The following PDE1C variants were observed in gnomAD, a reference collection of about 807,000 sequenced individuals.
The protein encoded by PDE1C is dual specificity calcium/calmodulin-dependent 3',5'-cyclic nucleotide phosphodiesterase 1C.
Under a neutral mutation model 93.1 loss-of-function variants are expected in PDE1C, and 62 were observed. The ratio of observed to expected loss-of-function variants is 0.67; its 90% CI spans 0.54 to 0.82. The LOEUF is 0.82. Among genes scored for constraint, PDE1C ranks in the 40% least tolerant of loss-of-function variants. The pLI, the probability that PDE1C is intolerant of heterozygous loss-of-function variation, is 0.00. For synonymous variants in PDE1C, 325 were observed against 310.1 expected (o/e 1.05, Z -0.50); for missense variants, 742 against 884.6 (o/e 0.84, Z 2.04).
At chr7:31,629,672 C>G in the PDE1C span, among the ~76,000 whole-genome samples, 1 of 152,110 alleles carries the variant, frequency 6.6e-6, no homozygotes, top group Admixed American at 6.5e-5. Context: ...GCTCACTCAC[C>G]TCTCAAAAAG....
rs1790546062 is a variant in PDE1C, at chr7:32,033,024, G to A, written c.128+18530C>T. ...GCTCTCTTACCAACACAATAATTCA[G>A]AAGGTGACTTCTCAAAACTAATCTT... is the stretch of plus-strand genomic sequence containing the variant. On this transcript the variant is annotated intron_variant, in intron 2 of 17. Transcript: ENST00000396191. 2.6e-5 allele frequency among the ~76,000 whole-genome samples: 4 copies of A among 152,210 alleles called. No homozygotes were observed. The South Asian group carries it at 8.3e-4, about 32-fold the overall frequency.
the PDE1C span, among the ~76,000 whole-genome samples, chr7:31,669,157 C>T: frequency 2.6e-5 from 4 of 152,166 alleles, no homozygotes; most frequent in African/African-American, 9.7e-5. Context: ...GGTATTGACT[C>T]TGGGGGCATG....
intron 2 of PDE1C, among the ~76,000 whole-genome samples, chr7:31,920,917 G>T (rs1018614452): frequency 3.3e-5 from 5 of 152,172 alleles, no homozygotes; most frequent in African/African-American, 4.8e-5. Flanking sequence ...TAATATGCCT[G>T]ATTTCTTACC....
At chr7:32,170,956 G>A (rs1392896948) in intron 2 of PDE1C, among the ~76,000 whole-genome samples, 3 of 152,052 alleles carry the variant, frequency 2.0e-5, no homozygotes, top group African/African-American at 7.2e-5. Flanking sequence ...GCAGCCCCTA[G>A]GCTCCAGCCC....
intron 2 of PDE1C, among the ~76,000 whole-genome samples, chr7:32,028,512 A>G (rs1789795401): frequency 1.3e-5 from 2 of 152,040 alleles, no homozygotes; most frequent in South Asian, 4.1e-4. Flanking sequence ...TATTATTATT[A>G]TTACTAATTT....
chr7:31,864,811 T>C, intron 7 of PDE1C, 131 bp downstream of exon 7: 1 of 858,744 alleles, frequency 1.2e-6, no homozygotes. Flanking sequence ...GTTAGATTAC[T>C]CCTGGGAAAC....
intron 15 of PDE1C, among the ~76,000 whole-genome samples, chr7:31,814,749 T>C (rs1160432298): frequency 1.3e-5 from 2 of 149,580 alleles, no homozygotes; most frequent in Non-Finnish European, 3.0e-5. Flanking sequence ...CTCTTCACTG[T>C]TTTTACTATC....
chr7:31,774,224 A>G (rs1795684721), intron 17 of PDE1C, among the ~76,000 whole-genome samples: 2 of 152,360 alleles, frequency 1.3e-5, no homozygotes, highest in Non-Finnish European at 2.9e-5. Context: ...AATGCAAGGC[A>G]ATGTGCCTCT....
chr7:32,077,924 G>A (rs953330650), intron 3 of PDE1C: 35 of 985,170 alleles, frequency 3.6e-5, no homozygotes, highest in African/African-American at 1.0e-4. Flanking sequence ...GCTTCCCTCC[G>A]GCTGGTCTGC....
At chr7:31,704,153 T>C in the PDE1C span, among the ~76,000 whole-genome samples, 1 of 152,210 alleles carries the variant, frequency 6.6e-6, no homozygotes, top group Non-Finnish European at 1.5e-5. Flanking sequence ...GTTTGGGACA[T>C]CGAAGATCAA....
chr7:32,259,743 A>T (rs965084486), intron 1 of PDE1C, among the ~76,000 whole-genome samples: 1 of 152,170 alleles, frequency 6.6e-6, no homozygotes, highest in Non-Finnish European at 1.5e-5. Context: ...GATGTTGCTA[A>T]AGAAGCCAAA....
intron 1 of PDE1C, among the ~76,000 whole-genome samples, chr7:32,338,167 A>G (rs1286439365): frequency 6.6e-6 from 1 of 152,220 alleles, no homozygotes; most frequent in East Asian, 1.9e-4. Flanking sequence ...CACAATCAGA[A>G]GAGTGGAAAG....
At chr7:31,679,155 A>T in the PDE1C span, among the ~76,000 whole-genome samples, 1 of 152,184 alleles carries the variant, frequency 6.6e-6, no homozygotes, top group African/African-American at 2.4e-5. Context: ...GGCTGCTCCT[A>T]TGTGGGCAAT....
chr7:32,375,506 G>A (rs2128088807), intron 1 of PDE1C, among the ~76,000 whole-genome samples: 1 of 152,290 alleles, frequency 6.6e-6, no homozygotes, highest in Admixed American at 6.5e-5. Flanking sequence ...AAATTTACAG[G>A]GTGGTGGTGG....
At chr7:32,378,084 T>C (rs1402002376) in intron 1 of PDE1C, among the ~76,000 whole-genome samples, 1 of 152,238 alleles carries the variant, frequency 6.6e-6, no homozygotes, top group Admixed American at 6.5e-5. Context: ...TGGATTTCTG[T>C]TACTTCTGTG....
At chr7:31,738,432 C>A in the PDE1C span, among the ~76,000 whole-genome samples, 4 of 152,086 alleles carry the variant, frequency 2.6e-5, no homozygotes, top group East Asian at 3.9e-4. Context: ...TTAGATCTCC[C>A]GAGACTTATT....
At position 31,880,732 on chromosome 7, in the gene PDE1C, T is replaced by C; in HGVS notation, c.242+15A>G. On this transcript the variant is annotated intron_variant, in intron 3 of 17. Coordinates refer to ENST00000396191, the MANE Select transcript of PDE1C (RefSeq NM_001191057.4). The stretch of plus-strand genomic sequence containing the variant: ...ACTATCACTATACTAATCTCTTTTG[T>C]TATTTTTAGCTTACCTTGTTTCATC... 1.4e-6 allele frequency: 2 copies of C among 1,475,482 alleles called. No homozygotes were observed. Among genetic ancestry groups the C allele is most frequent in the Non-Finnish European group, 1.9e-6 (2 of 1,058,738 alleles). 91.4% of individuals were successfully genotyped at this position (1,475,482 alleles called of 1,614,324 possible).
At chr7:31,746,065 C>T in the PDE1C span, among the ~76,000 whole-genome samples, 1 of 152,306 alleles carries the variant, frequency 6.6e-6, no homozygotes, top group East Asian at 1.9e-4. Flanking sequence ...AGTGGACAAA[C>T]TTCTCCAACA....
chr7:32,169,819 C>T (rs960849036), exon 3 of PDE1C: 1 of 1,612,686 alleles, frequency 6.2e-7, no homozygotes, highest in Non-Finnish European at 8.5e-7. Context: ...TCTGGGCTAT[C>T]CAGCTGTGGC....
Sources: gnomAD v4.1 joint callset for allele counts (sites outside exome capture counted in the v4.1 genomes callset) on GRCh38, gnomAD v4.1.1 for gene constraint, MANE v1.5 for transcripts, NCBI Gene and HGNC (gene_info 2026-07-23, HGNC 2026-07-21) for gene names.